Variants in STARD13 observed in about 807,000 individuals in gnomAD.
The protein encoded by STARD13 is StAR related lipid transfer domain containing 13.
A neutral mutation model predicts 106.4 loss-of-function variants in STARD13; 62 were observed. The ratio of observed to expected loss-of-function variants is 0.58; its 90% CI spans 0.48 to 0.72. The LOEUF (loss-of-function observed/expected upper bound fraction) is 0.72. Ranked by LOEUF, STARD13 falls within the 30% of genes least tolerant of loss-of-function variation. STARD13 has a pLI of 0.00. For missense variants in STARD13, 1,387 were observed against 1,424.0 expected (o/e 0.97, Z 0.42); for synonymous variants, 565 against 553.0 (o/e 1.02, Z -0.31).
intron 4 of STARD13, among the ~76,000 whole-genome samples, chr13:33,141,982 G>A (rs924590215): frequency 6.6e-6 from 1 of 152,208 alleles, no homozygotes; most frequent in Non-Finnish European, 1.5e-5. Flanking sequence ...GGGACATGGA[G>A]AATACACATG....
At chr13:33,625,003 C>A in the STARD13 span, among the ~76,000 whole-genome samples, 10 of 152,170 alleles carry the variant, frequency 6.6e-5, no homozygotes, top group Admixed American at 6.5e-4. Context: ...ACCTCGGAAG[C>A]AGTGGGAGGT....
At chr13:33,346,224 C>T (rs371588688), downstream of STARD13, among the ~76,000 whole-genome samples, 1 of 152,200 alleles carries the variant, frequency 6.6e-6, no homozygotes, top group African/African-American at 2.4e-5. Flanking sequence ...CCATCAGACC[C>T]AGTCAAGCCT....
intron 1 of STARD13, among the ~76,000 whole-genome samples, chr13:33,273,494 T>A (rs534691342): frequency 2.6e-5 from 4 of 152,286 alleles, no homozygotes; most frequent in African/African-American, 9.6e-5. Context: ...TTCCATAAAA[T>A]CAATAACGCA....
At chr13:33,267,507 C>T (rs551990799) in intron 1 of STARD13, among the ~76,000 whole-genome samples, 16 of 152,280 alleles carry the variant, frequency 1.1e-4, no homozygotes, top group Non-Finnish European at 1.8e-4. Context: ...GTTTAAGGTC[C>T]GCCCATCAAA....
the STARD13 span, among the ~76,000 whole-genome samples, chr13:33,430,209 G>A: frequency 6.6e-6 from 1 of 152,286 alleles, no homozygotes; most frequent in African/African-American, 2.4e-5. Flanking sequence ...GAGCCACTGC[G>A]CCTGGCCTTA....
At chr13:33,312,267 T>C (rs1893164817) in intron 1 of STARD13, among the ~76,000 whole-genome samples, 1 of 152,182 alleles carries the variant, frequency 6.6e-6, no homozygotes, top group Admixed American at 6.5e-5. Context: ...GGACAAAACG[T>C]TATGTTCCTG....
At chr13:33,445,823 G>A in the STARD13 span, among the ~76,000 whole-genome samples, 3 of 152,044 alleles carry the variant, frequency 2.0e-5, no homozygotes, top group Non-Finnish European at 4.4e-5. Context: ...CTAATAAAGT[G>A]AGAACTCACT....
intron 1 of STARD13, among the ~76,000 whole-genome samples, chr13:33,308,763 A>G (rs1161609800): frequency 6.6e-6 from 1 of 151,808 alleles, no homozygotes; most frequent in East Asian, 1.9e-4. Flanking sequence ...ACCTCAGGTG[A>G]TCCACCCGCC....
At chr13:33,311,393 A>G (rs1221998434) in intron 1 of STARD13, among the ~76,000 whole-genome samples, 1 of 152,232 alleles carries the variant, frequency 6.6e-6, no homozygotes, top group South Asian at 2.1e-4. Context: ...TATGTGGTCC[A>G]TTGTTGACCA....
the STARD13 span, among the ~76,000 whole-genome samples, chr13:33,435,652 G>C: frequency 6.6e-6 from 1 of 152,044 alleles, no homozygotes; most frequent in African/African-American, 2.4e-5. Context: ...TTTACTTTTT[G>C]AAAGGCTCTG....
chr13:33,597,238 G>A, the STARD13 span, among the ~76,000 whole-genome samples: 2 of 152,136 alleles, frequency 1.3e-5, no homozygotes, highest in African/African-American at 4.8e-5. Context: ...TCTAACTGGG[G>A]CAAGATGCTA....
upstream of STARD13, among the ~76,000 whole-genome samples, chr13:33,288,793 C>T (rs1892176284): frequency 6.6e-6 from 1 of 152,114 alleles, no homozygotes; most frequent in South Asian, 2.1e-4. Flanking sequence ...CATGTACCTG[C>T]TCACCATGTT....
intron 1 of STARD13, among the ~76,000 whole-genome samples, chr13:33,215,123 G>GC (rs1394748782): frequency 1.6e-5 from 2 of 128,792 alleles, no homozygotes; most frequent in African/African-American, 3.0e-5. Context: ...AGTACTTGGG[G>GC]GGGGGGGTGG....
chr13:33,666,743 ACCACACCCGG>A, the STARD13 span, among the ~76,000 whole-genome samples: 43 of 151,942 alleles, frequency 2.8e-4, no homozygotes, highest in Non-Finnish European at 5.4e-4. Context: ...GGCTCCCACC[ACCACACCCGG>A]CTAATTTTTT....
the STARD13 span, among the ~76,000 whole-genome samples, chr13:33,391,065 T>A: frequency 6.6e-6 from 1 of 152,112 alleles, no homozygotes; most frequent in East Asian, 1.9e-4. Context: ...AACATCAGAG[T>A]CTGGGTTATC....
the STARD13 span, among the ~76,000 whole-genome samples, chr13:33,407,684 T>C: frequency 2.7e-4 from 41 of 152,360 alleles, no homozygotes; most frequent in African/African-American, 8.7e-4. Context: ...TAAATGAATC[T>C]TGTTATTTTC....
chr13:33,438,593 G>T, the STARD13 span, among the ~76,000 whole-genome samples: 1 of 152,162 alleles, frequency 6.6e-6, no homozygotes, highest in Non-Finnish European at 1.5e-5. Flanking sequence ...TTTAGTGGGA[G>T]AGCTGATAGG....
chr13:33,506,167 C>T, the STARD13 span, among the ~76,000 whole-genome samples: 3 of 152,076 alleles, frequency 2.0e-5, no homozygotes, highest in African/African-American at 4.8e-5. Flanking sequence ...TGCCTGAGTA[C>T]ATATTTTTAA....
chr13:33,609,105 A>AG, the STARD13 span, among the ~76,000 whole-genome samples: 11 of 133,196 alleles, frequency 8.3e-5, no homozygotes, highest in African/African-American at 1.7e-4. Context: ...AAAAAAAAAA[A>AG]AAATATTGAT....
Sources: gnomAD v4.1 joint callset for allele counts (sites outside exome capture counted in the v4.1 genomes callset) on GRCh38, gnomAD v4.1.1 for gene constraint, MANE v1.5 for transcripts, NCBI Gene and HGNC (gene_info 2026-07-23, HGNC 2026-07-21) for gene names.